GNB4: variants seen among roughly 807,000 people sequenced by gnomAD.
The protein encoded by GNB4 is G protein subunit beta 4.
In GNB4, 28 loss-of-function variants were observed where a neutral mutation model predicts 45.2. The observed-to-expected ratio is 0.62, with a 90% confidence interval of 0.46 to 0.85. The LOEUF is 0.85. Among genes scored for constraint, GNB4 ranks in the 40% least tolerant of loss-of-function variants. GNB4 has a pLI of 0.00. For missense variants in GNB4, 321 were observed against 425.4 expected, an observed-to-expected ratio of 0.75 and a Z score of 2.16; for synonymous variants, 132 against 143.7, an observed-to-expected ratio of 0.92 and a Z score of 0.58.
the GNB4 span, among the ~76,000 whole-genome samples, chr3:179,479,894 A>G: frequency 2.0e-5 from 3 of 152,238 alleles, no homozygotes; most frequent in Non-Finnish European, 4.4e-5. Context: ...ACCAATTGCT[A>G]TGGTTTGAAT....
the GNB4 span, among the ~76,000 whole-genome samples, chr3:179,472,855 A>AT: frequency 2.6e-5 from 4 of 152,278 alleles, no homozygotes; most frequent in South Asian, 8.3e-4. Flanking sequence ...AGGACACCAA[A>AT]TTCACTCTTT....
the GNB4 span, among the ~76,000 whole-genome samples, chr3:179,519,882 T>C: frequency 3.9e-5 from 6 of 152,254 alleles, no homozygotes; most frequent in Non-Finnish European, 7.4e-5. Context: ...AGGATTAAAG[T>C]CTGTTATCAC....
At chr3:179,416,375 T>C (rs1453565667) in intron 5 of GNB4, 118 bp downstream of exon 5, 4 of 640,528 alleles carry the variant, frequency 6.2e-6, no homozygotes, top group Non-Finnish European at 1.1e-5. Flanking sequence ...TAGATTAAAA[T>C]AAACAATAAA....
chr3:179,490,885 A>T, the GNB4 span, among the ~76,000 whole-genome samples: 1 of 152,170 alleles, frequency 6.6e-6, no homozygotes, highest in Non-Finnish European at 1.5e-5. Flanking sequence ...AACCAGTTAA[A>T]CTGACACCTA....
intron 8 of GNB4, among the ~76,000 whole-genome samples, 161 bp downstream of exon 8, chr3:179,413,251 C>G (rs887353488): frequency 6.6e-6 from 1 of 152,062 alleles, no homozygotes; most frequent in East Asian, 1.9e-4. Context: ...TTGAAGCTTT[C>G]TTTTTTAAAA....
chr3:179,479,240 T>C, the GNB4 span, among the ~76,000 whole-genome samples: 1 of 152,188 alleles, frequency 6.6e-6, no homozygotes, highest in African/African-American at 2.4e-5. Flanking sequence ...TATTGTCGAA[T>C]ATACAAGACA....
At chr3:179,516,355 C>T in the GNB4 span, among the ~76,000 whole-genome samples, 45,903 of 152,002 alleles carry the variant, frequency 0.3, 7,634 homozygotes, top group East Asian at 0.42. Flanking sequence ...GAAGAAATGA[C>T]CATGGTGGCC....
At chr3:179,457,904 CTTTTTT>C in the GNB4 span, among the ~76,000 whole-genome samples, 1 of 137,914 alleles carries the variant, frequency 7.3e-6, no homozygotes, top group African/African-American at 2.7e-5. Flanking sequence ...CATTTTAGTT[CTTTTTT>C]TTTTTTTTTT....
At chr3:179,487,992 A>G in the GNB4 span, among the ~76,000 whole-genome samples, 1 of 151,876 alleles carries the variant, frequency 6.6e-6, no homozygotes, top group Non-Finnish European at 1.5e-5. Flanking sequence ...CAGAGGTTGC[A>G]GTGAGCAGAG....
chr3:179,435,236 C>T (rs969927997), intron 1 of GNB4, among the ~76,000 whole-genome samples: 2 of 152,102 alleles, frequency 1.3e-5, no homozygotes, highest in Non-Finnish European at 2.9e-5. Context: ...AATGATCCTC[C>T]CTTCTTATTG....
At chr3:179,407,316 C>A (rs912838128) in intron 8 of GNB4, among the ~76,000 whole-genome samples, 1 of 152,028 alleles carries the variant, frequency 6.6e-6, no homozygotes, top group African/African-American at 2.4e-5. Flanking sequence ...AAAATTAGCA[C>A]AGCGTGTTGG....
In GNB4 at chr3:179,451,418, C is replaced by G. The variant is rs916367469; in HGVS notation, c.-115G>C. On this transcript the variant is annotated 5_prime_UTR_variant, in exon 1 of 10. Coordinates refer to ENST00000232564, the MANE Select transcript of GNB4 (RefSeq NM_021629.4). Reference sequence around the variant, plus strand: ...TGGGCGCTCAGCAGCCCCTGGAGCGCGGAGCCGGCGTGGAGAGCGCAGCTC... The same window carrying G: ...TGGGCGCTCAGCAGCCCCTGGAGCGGGGAGCCGGCGTGGAGAGCGCAGCTC... 6.6e-6 allele frequency: 1 copy of G among 151,146 alleles called. No individual in the cohort carries two copies. The highest frequency in any genetic ancestry group is 1.5e-5 in the Non-Finnish European group (1 of 67,684). The allele number at this position is 151,146 out of a possible 1,614,324, so 9.4% of individuals were successfully genotyped here.
the GNB4 span, chr3:179,464,779 C>T: frequency 7.6e-7 from 1 of 1,308,832 alleles, no homozygotes; most frequent in Non-Finnish European, 1.1e-6. Flanking sequence ...GAAGGATCTG[C>T]AATGCTGTTT....
Position 179,398,503 on chromosome 3 carries a change from A to G in GNB4, c.*2710T>C, listed in dbSNP as rs1173899143. The G allele has an allele frequency of 6.6e-6, 1 of 150,968 alleles. No homozygotes were observed. Among genetic ancestry groups the G allele is most frequent in the East Asian group, 1.9e-4 (1 of 5,172 alleles). The allele number at this position is 150,968 out of a possible 1,614,324, so 9.4% of individuals were successfully genotyped here. A position where few individuals can be genotyped will look rare whatever the true frequency, so the allele number is the denominator to read the frequency against. On this transcript the variant is annotated 3_prime_UTR_variant, in exon 10 of 10. Transcript: ENST00000232564. ...ACCACTGTACACTCCAGCCTGGGTG[A>G]CAGAGTGAGACTCTGTCTTTAAAAA... is the stretch of plus-strand genomic sequence containing the variant.
At chr3:179,462,862 C>G in the GNB4 span, among the ~76,000 whole-genome samples, 1 of 152,082 alleles carries the variant, frequency 6.6e-6, no homozygotes, top group Non-Finnish European at 1.5e-5. Context: ...GGTTCACTTT[C>G]CTGTTCTCTC....
the GNB4 span, among the ~76,000 whole-genome samples, chr3:179,475,398 C>T: frequency 5.3e-5 from 8 of 151,730 alleles, no homozygotes; most frequent in Non-Finnish European, 8.8e-5. Context: ...GGATTACAGG[C>T]GTGAGCCACC....
At chr3:179,498,785 A>G in the GNB4 span, among the ~76,000 whole-genome samples, 51 of 89,808 alleles carry the variant, frequency 5.7e-4, no homozygotes, top group African/African-American at 2.2e-3. Flanking sequence ...TCTTTATTAT[A>G]TTTTAAGTTG....
chr3:179,498,749 G>GTTTTTTTTTTT, the GNB4 span, among the ~76,000 whole-genome samples: 1 of 130,812 alleles, frequency 7.6e-6, no homozygotes, highest in African/African-American at 2.9e-5. Flanking sequence ...TTGAGGTTTG[G>GTTTTTTTTTTT]TTTTTTTTTT....
the GNB4 span, among the ~76,000 whole-genome samples, chr3:179,515,622 C>T: frequency 6.6e-6 from 1 of 151,942 alleles, no homozygotes; most frequent in Non-Finnish European, 1.5e-5. Flanking sequence ...TCACTTGCTT[C>T]AGGCCATCTG....
Sources: allele counts gnomAD v4.1 joint callset (sites outside exome capture counted in the v4.1 genomes callset), GRCh38; gene constraint gnomAD v4.1.1; transcripts MANE v1.5; gene names NCBI Gene and HGNC (gene_info 2026-07-23, HGNC 2026-07-21).